The following CADM2 variants were observed in gnomAD, a reference collection of about 807,000 sequenced individuals.
CADM2 encodes the protein immunoglobulin superfamily member 4D.
A neutral mutation model predicts 49.8 loss-of-function variants in CADM2; 12 were observed. That is an observed-to-expected ratio of 0.24 (90% CI 0.15 to 0.39). The LOEUF (loss-of-function observed/expected upper bound fraction) is 0.39. CADM2 is among the 10% of genes least tolerant of loss of function. The pLI is 1.00. For missense variants in CADM2, 378 were observed against 492.3 expected (o/e 0.77, Z 2.20); for synonymous variants, 214 against 175.4 (o/e 1.22, Z -1.74).
rs775199366 is a variant in CADM2, at chr3:85,802,150, G to T, written c.192G>T (p.Gln64His). The T allele has an allele frequency of 6.2e-7, 1 of 1,613,070 alleles. No individual in the cohort carries two copies. The highest frequency in any genetic ancestry group is 8.5e-7 in the Non-Finnish European group (1 of 1,179,478). ...ATCAAAATGATAACACCTCCCTCCA[G>T]TGGTCAAATCCAGCTCAACAGACTC... ...RVDQNDNTSL[Q>H]WSNPAQQTLY... is the part of the protein sequence containing the mutation. Residue 64 changes from glutamine (Q) to histidine (H), a missense_variant, in exon 3 of 10, where the codon CAG becomes CAT. Coordinates refer to ENST00000383699, the MANE Select transcript of CADM2 (RefSeq NM_001167675.2).
At chr3:85,420,340 A>G (rs2036112019) in intron 1 of CADM2, among the ~76,000 whole-genome samples, 1 of 152,204 alleles carries the variant, frequency 6.6e-6, no homozygotes, top group African/African-American at 2.4e-5. Context: ...ACAGTCATTG[A>G]TCTGTAAAAT....
At chr3:84,975,041 G>A (rs1463933315) in intron 1 of CADM2, among the ~76,000 whole-genome samples, 1 of 151,710 alleles carries the variant, frequency 6.6e-6, no homozygotes, top group Non-Finnish European at 1.5e-5. Flanking sequence ...TTAAACAAAA[G>A]AAAAGAGAAA....
intron 1 of CADM2, among the ~76,000 whole-genome samples, chr3:85,096,385 C>T (rs183900334): frequency 5.8e-4 from 88 of 150,858 alleles, no homozygotes; most frequent in Middle Eastern, 3.8e-3. Flanking sequence ...ATTTGTTCTT[C>T]CTTAAAATGT....
At chr3:85,950,062 CAA>C (rs1408335623) in intron 7 of CADM2, among the ~76,000 whole-genome samples, 14 of 150,936 alleles carry the variant, frequency 9.3e-5, no homozygotes, top group Admixed American at 5.3e-4. Flanking sequence ...GAAAATATTG[CAA>C]AGAGTTCTAA....
rs544253779 is a variant in CADM2, at chr3:85,895,159, G to T, written c.529+8832G>T. On this transcript the variant is annotated intron_variant, in intron 5 of 9. Coordinates refer to ENST00000383699, the MANE Select transcript of CADM2 (RefSeq NM_001167675.2). ...CGCCTGCTATGAATGCAGCTGGGAG[G>T]GGGGCTGTACCCTACATATCCATCT... 2.5e-3 allele frequency among the ~76,000 whole-genome samples: 375 copies of T among 152,304 alleles called. 26 individuals carry two copies. The South Asian group carries it at 0.074, about 30-fold the overall frequency.
intron 2 of CADM2, among the ~76,000 whole-genome samples, chr3:85,758,792 T>C (rs574373776): frequency 6.6e-6 from 1 of 152,208 alleles, no homozygotes; most frequent in South Asian, 2.1e-4. Flanking sequence ...TTAATGAGTC[T>C]TTTTTGGTAC....
At chr3:85,609,511 G>A (rs1316933687) in intron 1 of CADM2, among the ~76,000 whole-genome samples, 5 of 151,912 alleles carry the variant, frequency 3.3e-5, no homozygotes, top group East Asian at 1.9e-4. Context: ...AAATTCTTAC[G>A]GAAACTAGCA....
intron 1 of CADM2, among the ~76,000 whole-genome samples, chr3:85,006,917 T>C (rs2035561): frequency 0.73 from 110,735 of 152,056 alleles, 41,608 homozygotes; most frequent in African/African-American, 0.91. Flanking sequence ...TCTTGACCAT[T>C]ATACATTCGT....
At chr3:85,793,077 A>T (rs1446719387) in intron 2 of CADM2, among the ~76,000 whole-genome samples, 2 of 152,084 alleles carry the variant, frequency 1.3e-5, no homozygotes, top group Non-Finnish European at 2.9e-5. Context: ...ATAATTCCTA[A>T]TGTATTCAAA....
At chr3:85,240,525 G>T (rs1208294965) in intron 1 of CADM2, among the ~76,000 whole-genome samples, 1 of 151,384 alleles carries the variant, frequency 6.6e-6, no homozygotes, top group Non-Finnish European at 1.5e-5. Context: ...TATTTTGGAG[G>T]TGATTAACAT....
chr3:85,069,171 G>A (rs531420728), intron 1 of CADM2, among the ~76,000 whole-genome samples: 1 of 151,586 alleles, frequency 6.6e-6, no homozygotes, highest in Non-Finnish European at 1.5e-5. Flanking sequence ...CCATGGGGAA[G>A]AATAATGGAA....
chr3:85,169,106 C>A (rs2040551389), intron 1 of CADM2, among the ~76,000 whole-genome samples: 1 of 152,002 alleles, frequency 6.6e-6, no homozygotes, highest in African/African-American at 2.4e-5. Flanking sequence ...GCGCCCACCA[C>A]CAAGCCCAGC....
Position 84,961,108 on chromosome 3 carries a change from G to A in CADM2, c.61+1440G>A, listed in dbSNP as rs570419331. 7.2e-5 allele frequency among the ~76,000 whole-genome samples: 11 copies of A among 152,210 alleles called. 1 individual carries two copies. The East Asian group carries it at 1.9e-3, about 27-fold the overall frequency. On this transcript the variant is annotated intron_variant, in intron 1 of 9. Transcript: ENST00000383699. ...CAAATTAATTTTTCCCTGGGTAAAA[G>A]GGATCTGAAAGTAAGACACACGTAG...
intron 2 of CADM2, among the ~76,000 whole-genome samples, chr3:85,744,540 A>C (rs1479662334): frequency 6.6e-6 from 1 of 152,040 alleles, no homozygotes; most frequent in Non-Finnish European, 1.5e-5. Flanking sequence ...ATAATAAATA[A>C]ATAAATAAAT....
chr3:85,046,981 C>T (rs2083514660), intron 1 of CADM2, among the ~76,000 whole-genome samples: 1 of 151,902 alleles, frequency 6.6e-6, no homozygotes, highest in Non-Finnish European at 1.5e-5. Context: ...TTATCATGTC[C>T]TAAAAAATAA....
In CADM2 at chr3:85,034,790, C is replaced by CTTTTTTTTTTTTTTT. The variant is rs1179967499; in HGVS notation, c.61+75132_61+75146dup. The stretch of plus-strand genomic sequence containing the variant: ...TATCTTTTAGATAAAAGACATTTTG[C>CTTTTTTTTTTTTTTT]TTTTTTTTTTTTTTTTTTTTTTTTA... On this transcript the variant is annotated intron_variant, in intron 1 of 9. Coordinates refer to ENST00000383699, the MANE Select transcript of CADM2 (RefSeq NM_001167675.2). Among the ~76,000 whole-genome samples the CTTTTTTTTTTTTTTT allele has an allele frequency of 2.0e-3, 165 of 84,054 alleles. 12 individuals carry two copies. Among genetic ancestry groups the CTTTTTTTTTTTTTTT allele is most frequent in the Middle Eastern group, 7.1e-3 (1 of 140 alleles). The allele number at this position is 84,054 out of a possible 152,430, so 55.1% of individuals were successfully genotyped here.
intron 6 of CADM2, among the ~76,000 whole-genome samples, chr3:85,918,101 AGGGACAATTT>A (rs1666269104): frequency 6.6e-6 from 1 of 152,218 alleles, no homozygotes; most frequent in Non-Finnish European, 1.5e-5. Context: ...ATCTGCAAAC[AGGGACAATTT>A]GACTTCCTCT....
At chr3:85,665,760 T>A (rs559541987) in intron 1 of CADM2, among the ~76,000 whole-genome samples, 2 of 152,154 alleles carry the variant, frequency 1.3e-5, no homozygotes, top group Admixed American at 1.3e-4. Flanking sequence ...CTTCACCTTT[T>A]ACTAAATTTT....
intron 2 of CADM2, among the ~76,000 whole-genome samples, chr3:85,769,823 A>G (rs2069979036): frequency 6.6e-6 from 1 of 151,472 alleles, no homozygotes; most frequent in Non-Finnish European, 1.5e-5. Context: ...GTATTTTGTG[A>G]CATCTACATT....
Sources: allele counts gnomAD v4.1 joint callset (sites outside exome capture counted in the v4.1 genomes callset), GRCh38; gene constraint gnomAD v4.1.1; transcripts MANE v1.5; gene names NCBI Gene and HGNC (gene_info 2026-07-23, HGNC 2026-07-21).